The following KCNU1 variants were observed in gnomAD, a reference collection of about 807,000 sequenced individuals.
KCNU1 encodes the protein potassium calcium-activated channel subfamily U member 1, also known as potassium channel subfamily U member 1.
In KCNU1, 93 loss-of-function variants were observed where a neutral mutation model predicts 126.8. That is an observed-to-expected ratio of 0.73 (90% CI 0.62 to 0.87). KCNU1 has a LOEUF of 0.87. Ranked by LOEUF, KCNU1 falls within the 40% of genes least tolerant of loss-of-function variation. The pLI is 0.00. For synonymous variants in KCNU1, 523 were observed against 494.2 expected (o/e 1.06, Z -0.77); for missense variants, 1,330 against 1,367.1 (o/e 0.97, Z 0.43).
intron 14 of KCNU1, among the ~76,000 whole-genome samples, chr8:36,838,113 A>T (rs548982267): frequency 1.4e-4 from 22 of 152,328 alleles, no homozygotes; most frequent in Admixed American, 1.1e-3. Context: ...GTCAGGGTGG[A>T]GGGAATGAGC....
intron 22 of KCNU1, among the ~76,000 whole-genome samples, chr8:36,913,962 G>A (rs967629620): frequency 1.3e-5 from 2 of 152,142 alleles, no homozygotes; most frequent in Admixed American, 6.5e-5. Flanking sequence ...CTATTACCCA[G>A]AATCTTCCCC....
chr8:36,892,060 T>TC (rs1419171187), intron 19 of KCNU1, among the ~76,000 whole-genome samples: 2 of 152,090 alleles, frequency 1.3e-5, no homozygotes, highest in African/African-American at 2.4e-5. Flanking sequence ...TTTCTCTCTC[T>TC]CCCCCATTTC....
At chr8:36,800,684 A>T (rs148518619) in intron 2 of KCNU1, among the ~76,000 whole-genome samples, 2 of 152,186 alleles carry the variant, frequency 1.3e-5, no homozygotes, top group African/African-American at 4.8e-5. Flanking sequence ...CTCCAACCCA[A>T]TGAAAAATGT....
In KCNU1 at chr8:36,909,304, T is replaced by C; in HGVS notation, c.2107-7T>C. On this transcript the variant is annotated splice_region_variant and splice_polypyrimidine_tract_variant and intron_variant, in intron 20 of 26. Coordinates refer to ENST00000399881, the MANE Select transcript of KCNU1 (RefSeq NM_001031836.3). ...AAATGACCAGACTGTGGCATCCTTATCCTTAGAAACGAACTGGCAAGTCAA... is the reference window on the plus strand; with the variant it reads ...AAATGACCAGACTGTGGCATCCTTACCCTTAGAAACGAACTGGCAAGTCAA... 6.3e-7 allele frequency: 1 copy of C among 1,594,894 alleles called. No individual in the cohort carries two copies. Among genetic ancestry groups the C allele is most frequent in the Non-Finnish European group, 8.6e-7 (1 of 1,162,720 alleles).
At chr8:36,894,718 A>T (rs1807115025) in intron 19 of KCNU1, among the ~76,000 whole-genome samples, 1 of 152,146 alleles carries the variant, frequency 6.6e-6, no homozygotes, top group African/African-American at 2.4e-5. Context: ...GTGAAAATAT[A>T]TTCAAAGAAG....
At chr8:36,872,426 G>A (rs577727630) in intron 19 of KCNU1, among the ~76,000 whole-genome samples, 68 of 152,174 alleles carry the variant, frequency 4.5e-4, no homozygotes, top group African/African-American at 1.6e-3. Flanking sequence ...GGGGGACGCC[G>A]CCCCGCCCTG....
Position 36,824,325 on chromosome 8 carries a change from A to G in KCNU1, c.1106+6565A>G, listed in dbSNP as rs573632294. On this transcript the variant is annotated intron_variant, in intron 10 of 26. Transcript: ENST00000399881. ...TCGTGTTCTAAAACTTAGTGAGTAC[A>G]GTACAATATGGTATTTTGAAAGGGA... is the stretch of plus-strand genomic sequence containing the variant. Among the ~76,000 whole-genome samples, 5 of 152,344 alleles carry G rather than the reference A, an allele frequency of 3.3e-5. No individual in the cohort carries two copies. The South Asian group carries it at 8.3e-4, about 25-fold the overall frequency.
At position 36,821,778 on chromosome 8, in the gene KCNU1, A is replaced by G. The variant is rs577372595; in HGVS notation, c.1106+4018A>G. The stretch of plus-strand genomic sequence containing the variant: ...GTCATATGCCTTCAGTAGAAACCAT[A>G]TTTTGTATACTCACTTTCAGTGCAG... On this transcript the variant is annotated intron_variant, in intron 10 of 26. Coordinates refer to ENST00000399881, the MANE Select transcript of KCNU1 (RefSeq NM_001031836.3). Among the ~76,000 whole-genome samples, 5 of 152,274 alleles carry G rather than the reference A, an allele frequency of 3.3e-5. No individual in the cohort carries two copies. In the East Asian group the frequency reaches 7.7e-4, roughly 23 times the overall value.
At chr8:36,828,067 A>G (rs988484016) in intron 10 of KCNU1, among the ~76,000 whole-genome samples, 9 of 152,134 alleles carry the variant, frequency 5.9e-5, no homozygotes, top group African/African-American at 2.2e-4. Flanking sequence ...TATCACAGTC[A>G]AAGATTCAAT....
chr8:36,805,529 G>A (rs1017046681), intron 4 of KCNU1, among the ~76,000 whole-genome samples: 11 of 152,134 alleles, frequency 7.2e-5, no homozygotes, highest in African/African-American at 2.4e-4. Context: ...TGCCATCATC[G>A]TGTTCCCATG....
At chr8:36,820,929 A>G (rs542874807) in intron 10 of KCNU1, among the ~76,000 whole-genome samples, 6 of 152,328 alleles carry the variant, frequency 3.9e-5, no homozygotes, top group Non-Finnish European at 1.5e-5. Flanking sequence ...AAGTGGAGAG[A>G]GATCTGTCTG....
chr8:36,850,135 A>T (rs1174601395), intron 18 of KCNU1, among the ~76,000 whole-genome samples: 1 of 152,072 alleles, frequency 6.6e-6, no homozygotes, highest in Non-Finnish European at 1.5e-5. Flanking sequence ...ATCTACTTAG[A>T]TCCTATTTTT....
In KCNU1 at chr8:36,807,430, T is replaced by C. The variant is rs1462740979; in HGVS notation, c.636T>C (p.Ile212=). 1 of 1,613,194 alleles carries C rather than the reference T, an allele frequency of 6.2e-7. No homozygotes were observed. The highest frequency in any genetic ancestry group is 1.1e-5 in the South Asian group (1 of 91,076). Residue 212 remains isoleucine (I), a synonymous_variant, in exon 6 of 27, where the codon ATT becomes ATC. Coordinates refer to ENST00000399881, the MANE Select transcript of KCNU1 (RefSeq NM_001031836.3). ...RLLELPQILQ[I]LRAIKTSNSV... ...TAGAACTCCCTCAAATCTTGCAAAT[T>C]CTACGAGCCATCAAGACCAGGTAAA... is the stretch of plus-strand genomic sequence containing the variant.
intron 2 of KCNU1, among the ~76,000 whole-genome samples, chr8:36,800,211 A>G (rs1053239166): frequency 6.6e-6 from 1 of 152,074 alleles, no homozygotes; most frequent in Non-Finnish European, 1.5e-5. Context: ...GCACTTATCC[A>G]TGGTATGTTA....
At chr8:36,925,862 G>A (rs1808513791) in intron 24 of KCNU1, among the ~76,000 whole-genome samples, 1 of 152,096 alleles carries the variant, frequency 6.6e-6, no homozygotes, top group Non-Finnish European at 1.5e-5. Context: ...CTGGCTGAGG[G>A]TTGGTAGGAA....
chr8:36,847,885 A>G (rs1386954960), intron 18 of KCNU1, among the ~76,000 whole-genome samples: 1 of 152,196 alleles, frequency 6.6e-6, no homozygotes. Flanking sequence ...ATGAATTCCC[A>G]TACAGCTTTC....
chr8:36,871,427 C>A (rs544420827), intron 19 of KCNU1, among the ~76,000 whole-genome samples: 29 of 144,018 alleles, frequency 2.0e-4, no homozygotes, highest in East Asian at 1.0e-3. Context: ...AGAGAGAGAG[C>A]GAGCAATAAT....
At chr8:36,841,035 T>C (rs1202968808) in intron 16 of KCNU1, 32 bp downstream of exon 16, 1 of 286,824 alleles carries the variant, frequency 3.5e-6, no homozygotes, top group South Asian at 4.9e-5. Flanking sequence ...TCTTCAGTTG[T>C]TTTTTTTTTT....
At chr8:36,817,612 G>T (rs757912470) in intron 9 of KCNU1, 38 bp from the exon 10 acceptor site, 4 of 1,044,504 alleles carry the variant, frequency 3.8e-6, no homozygotes, top group Non-Finnish European at 6.0e-6. Flanking sequence ...GTGCTTATGT[G>T]CCTCGGATGA....
Sources: allele counts gnomAD v4.1 joint callset (sites outside exome capture counted in the v4.1 genomes callset), GRCh38; gene constraint gnomAD v4.1.1; transcripts MANE v1.5; gene names NCBI Gene and HGNC (gene_info 2026-07-23, HGNC 2026-07-21).